Variants in SEC63 observed in about 807,000 individuals in gnomAD.
SEC63 encodes SEC63 protein translocation regulator, also known as translocation protein SEC63 homolog.
A neutral mutation model predicts 116.2 loss-of-function variants in SEC63; 56 were observed. The observed-to-expected ratio is 0.48, with a 90% CI of 0.39 to 0.60. The LOEUF is 0.60. SEC63 is among the 20% of genes least tolerant of loss of function. The probability of loss-of-function intolerance (pLI) is 0.00; values close to 1 mark genes in which losing one functional copy is unlikely to be tolerated. For missense variants in SEC63, 668 were observed against 900.0 expected (o/e 0.74, Z 3.30); for synonymous variants, 273 against 294.6 (o/e 0.93, Z 0.75).
intron 1 of SEC63, among the ~76,000 whole-genome samples, chr6:107,951,726 G>C (rs878966632): frequency 2.6e-5 from 4 of 152,162 alleles, no homozygotes; most frequent in Admixed American, 2.6e-4. Flanking sequence ...GCTCAAGCCT[G>C]TAATCCCAGC....
At position 107,901,421 on chromosome 6, in the gene SEC63, T is replaced by A; in HGVS notation, c.1306A>T (p.Met436Leu). ...TATGGAAAACTCCCAAGGACAGCCA[T>A]AACCTCTTCATATTTTTCATCTTCA... ...FLEDEKYEEV[M>L]AVLGSFPYVT... is the part of the protein sequence containing the mutation. The change falls in exon 13 of 21, where the codon ATG becomes TTG. Residue 436 changes from methionine (M) to leucine (L), a missense_variant. Coordinates refer to ENST00000369002, the MANE Select transcript of SEC63 (RefSeq NM_007214.5). The A allele has an allele frequency of 6.2e-7, 1 of 1,613,422 alleles. No individual in the cohort carries two copies. The highest frequency in any genetic ancestry group is 8.5e-7 in the Non-Finnish European group (1 of 1,179,584).
At chr6:107,906,881 T>A in intron 8 of SEC63, 104 bp from the exon 9 acceptor site, 1 of 829,286 alleles carries the variant, frequency 1.2e-6, no homozygotes, top group Non-Finnish European at 2.1e-6. Context: ...TTTCTAAACA[T>A]GCACAATGCT....
chr6:107,941,309 C>T (rs548799259), intron 1 of SEC63, among the ~76,000 whole-genome samples: 3 of 152,050 alleles, frequency 2.0e-5, no homozygotes, highest in South Asian at 4.2e-4. Flanking sequence ...AAAAATTAGC[C>T]GGGTGTGGTG....
At chr6:107,952,773 A>C (rs189951792) in intron 1 of SEC63, among the ~76,000 whole-genome samples, 23 of 152,262 alleles carry the variant, frequency 1.5e-4, no homozygotes, top group Admixed American at 2.6e-4. Context: ...AAACAAAAAA[A>C]AAATTACTTA....
intron 18 of SEC63, 164 bp from the exon 19 acceptor site, chr6:107,876,826 G>T: frequency 1.7e-6 from 1 of 599,586 alleles, no homozygotes. Context: ...AGAATAAGCT[G>T]TTCTTAACAT....
intron 1 of SEC63, among the ~76,000 whole-genome samples, chr6:107,935,136 G>A (rs376033418): frequency 0.093 from 13,110 of 141,580 alleles, 174 homozygotes; most frequent in East Asian, 0.17. Context: ...TCAGCCCCCC[G>A]CCCAGCCAGC....
intron 7 of SEC63, among the ~76,000 whole-genome samples, chr6:107,910,947 T>C (rs1200656344): frequency 6.6e-6 from 1 of 152,034 alleles, no homozygotes; most frequent in African/African-American, 2.4e-5. Context: ...CTGCCCTAAA[T>C]TGATCTGCCC....
At chr6:107,927,509 T>C (rs1787702419) in intron 2 of SEC63, among the ~76,000 whole-genome samples, 1 of 152,180 alleles carries the variant, frequency 6.6e-6, no homozygotes. Flanking sequence ...TTTATGACCT[T>C]ATCTAAATTG....
intron 2 of SEC63, among the ~76,000 whole-genome samples, chr6:107,926,540 A>G (rs1236134199): frequency 1.3e-5 from 2 of 152,192 alleles, no homozygotes; most frequent in East Asian, 1.9e-4. Flanking sequence ...CGGCCAGCCT[A>G]CAACAGCAAA....
intron 2 of SEC63, among the ~76,000 whole-genome samples, chr6:107,928,926 C>T (rs7764235): frequency 0.78 from 117,956 of 152,198 alleles, 46,860 homozygotes; most frequent in South Asian, 0.9. Context: ...GTTATGTCAT[C>T]ATTCTTAGCC....
Position 107,904,747 on chromosome 6 carries a change from C to T in SEC63, c.962-26G>A, listed in dbSNP as rs763796182. The T allele has an allele frequency of 1.3e-5, 19 of 1,518,776 alleles. No individual in the cohort carries two copies. The South Asian group carries it at 2.1e-4, about 17-fold the overall frequency. 94.1% of individuals were successfully genotyped at this position (1,518,776 alleles called of 1,614,324 possible). ...CTGCAAAACAATAAAAAACCTGAAA[C>T]AGATCATTTTAATTTTACAGTTAAA... On this transcript the variant is annotated intron_variant, in intron 10 of 20. Transcript: ENST00000369002.
At chr6:107,947,255 C>T (rs1254486026) in intron 1 of SEC63, among the ~76,000 whole-genome samples, 6 of 152,082 alleles carry the variant, frequency 3.9e-5, no homozygotes, top group African/African-American at 1.4e-4. Flanking sequence ...CAAGATTGTG[C>T]TACTGCACTC....
In SEC63 at chr6:107,869,653, G is replaced by C. The variant is rs1289632476; in HGVS notation, c.*2051C>G. 1 of 152,088 alleles carries C rather than the reference G, an allele frequency of 6.6e-6. No individual in the cohort carries two copies. The highest frequency in any genetic ancestry group is 1.5e-5 in the Non-Finnish European group (1 of 68,020). The allele number at this position is 152,088 out of a possible 1,614,324, so 9.4% of individuals were successfully genotyped here. On this transcript the variant is annotated 3_prime_UTR_variant, in exon 21 of 21. Transcript: ENST00000369002. ...CTCAGTTCTTTCACTACTGCCATAT[G>C]GAAAGAGGTTACCTAAAGCACTCAC... is the stretch of plus-strand genomic sequence containing the variant.
intron 1 of SEC63, among the ~76,000 whole-genome samples, chr6:107,950,423 C>A (rs1239388638): frequency 6.6e-6 from 1 of 152,134 alleles, no homozygotes; most frequent in Non-Finnish European, 1.5e-5. Flanking sequence ...CCAACTAGAT[C>A]TAACAGACAT....
At chr6:107,944,519 G>A (rs183149116) in intron 1 of SEC63, among the ~76,000 whole-genome samples, 2 of 152,190 alleles carry the variant, frequency 1.3e-5, no homozygotes, top group African/African-American at 4.8e-5. Context: ...CCAACATGGT[G>A]AAACCCGTCT....
intron 16 of SEC63, among the ~76,000 whole-genome samples, chr6:107,884,117 A>AC (rs1562315109): frequency 6.8e-6 from 1 of 147,956 alleles, no homozygotes. Flanking sequence ...AAACAAACAA[A>AC]AAAATAGCTG....
intron 14 of SEC63, among the ~76,000 whole-genome samples, chr6:107,895,393 A>G (rs550508973): frequency 6.6e-6 from 1 of 152,110 alleles, no homozygotes; most frequent in Non-Finnish European, 1.5e-5. Context: ...AACATCTTTG[A>G]TTCAATATAT....
At chr6:107,952,307 C>T (rs1185803012) in intron 1 of SEC63, among the ~76,000 whole-genome samples, 4 of 152,160 alleles carry the variant, frequency 2.6e-5, no homozygotes, top group Non-Finnish European at 5.9e-5. Flanking sequence ...ATTTTTCAAA[C>T]CGCAGACTTT....
chr6:107,912,658 G>A (rs780256109), intron 6 of SEC63, 58 bp downstream of exon 6: 64 of 996,482 alleles, frequency 6.4e-5, no homozygotes, highest in Non-Finnish European at 9.9e-5. Flanking sequence ...AAGACAGATT[G>A]TACATAACAA....
Sources: allele counts gnomAD v4.1 joint callset (sites outside exome capture counted in the v4.1 genomes callset), GRCh38; gene constraint gnomAD v4.1.1; transcripts MANE v1.5; gene names NCBI Gene and HGNC (gene_info 2026-07-23, HGNC 2026-07-21).